The following TMEM74 variants were observed in gnomAD, a reference collection of about 807,000 sequenced individuals.
TMEM74 encodes transmembrane protein 74.
TMEM74 carries 13 observed loss-of-function variants against 18.1 expected under a neutral mutation model. That is an observed-to-expected ratio of 0.72 (90% CI 0.47 to 1.14). The LOEUF (loss-of-function observed/expected upper bound fraction) is 1.14, where lower values mean the gene tolerates loss of function less well. Among genes scored for constraint, TMEM74 ranks in the 50% most tolerant of loss-of-function variants. TMEM74 has a pLI of 0.00. For missense variants in TMEM74, 372 were observed against 375.9 expected (o/e 0.99, Z 0.09); for synonymous variants, 159 against 146.6 (o/e 1.08, Z -0.61).
chr8:108,660,723 A>G (rs1243889349), intron 1 of TMEM74, among the ~76,000 whole-genome samples: 2 of 152,074 alleles, frequency 1.3e-5, no homozygotes, highest in Non-Finnish European at 2.9e-5. Flanking sequence ...CCCCTTTTTC[A>G]TCTTTTTGTT....
rs950191538 is a variant in TMEM74 at position 108,781,683 on chromosome 8, T to TA, written c.*2497dup. ...AATAATGTTGAAGTGTGCATTTACT[T>TA]ACCACATTTCGATTTTAAATTTTAA... is the stretch of plus-strand genomic sequence containing the variant. On this transcript the variant is annotated 3_prime_UTR_variant, in exon 2 of 2. Coordinates refer to ENST00000297459, the MANE Select transcript of TMEM74 (RefSeq NM_153015.3). 7.4e-4 allele frequency among the ~76,000 whole-genome samples: 112 copies of TA among 152,336 alleles called. No homozygotes were observed. The highest frequency in any genetic ancestry group is 2.6e-3 in the African/African-American group (109 of 41,570).
intron 1 of TMEM74, among the ~76,000 whole-genome samples, chr8:108,679,796 G>A (rs989962242): frequency 1.3e-5 from 2 of 151,966 alleles, no homozygotes; most frequent in African/African-American, 2.4e-5. Flanking sequence ...CATTGCTTTT[G>A]GTGTTTTAGA....
chr8:108,784,780 A>G lies in TMEM74; in HGVS notation c.319T>C (p.Leu107=), dbSNP rs200683062. Residue 107 remains leucine, a synonymous_variant, in exon 2 of 2, where the codon TTA becomes CTA. Coordinates refer to ENST00000297459, the MANE Select transcript of TMEM74 (RefSeq NM_153015.3). ...TCCACATAGGTAAAAGAAGTTTCTA[A>G]TTCCTGGCTGCAGCAGTTACAGACT... The part of the protein sequence containing the change: ...RKVCNCCSQE[L]ETSFTYVDKN... 27 of 1,614,066 alleles carry G rather than the reference A, an allele frequency of 1.7e-5. No individual in the cohort carries two copies. The highest frequency in any genetic ancestry group is 2.1e-5 in the Non-Finnish European group (25 of 1,180,032).
intron 2 of TMEM74, among the ~76,000 whole-genome samples, chr8:108,613,835 A>G (rs1239032130): frequency 6.6e-6 from 1 of 152,180 alleles, no homozygotes; most frequent in Non-Finnish European, 1.5e-5. Context: ...TATAAACTAC[A>G]AGGTAGATTA....
In TMEM74 at chr8:108,783,554, T is replaced by A. The variant is rs1380747758; in HGVS notation, c.*627A>T. 2.0e-5 allele frequency: 3 copies of A among 152,240 alleles called. No homozygotes were observed. The highest frequency in any genetic ancestry group is 4.4e-5 in the Non-Finnish European group (3 of 68,040). 9.4% of individuals were successfully genotyped at this position (152,240 alleles called of 1,614,324 possible). A position where few individuals can be genotyped will look rare whatever the true frequency, so the allele number is the denominator to read the frequency against. On this transcript the variant is annotated 3_prime_UTR_variant, in exon 2 of 2. Transcript: ENST00000297459. ...TACAATGATTTACATAATTTTTTTT[T>A]ATTAGAAAGTTTATCCTAATGACTT...
chr8:108,610,573 T>C (rs1812324434), intron 2 of TMEM74, among the ~76,000 whole-genome samples: 1 of 151,952 alleles, frequency 6.6e-6, no homozygotes, highest in Non-Finnish European at 1.5e-5. Context: ...AAAGGCCTAG[T>C]TGAGAATGTG....
intron 2 of TMEM74, among the ~76,000 whole-genome samples, chr8:108,615,050 G>C (rs1274071346): frequency 6.6e-6 from 1 of 152,194 alleles, no homozygotes; most frequent in Non-Finnish European, 1.5e-5. Context: ...TCTTGAATGA[G>C]AGGGGAAATA....
chr8:108,620,086 A>G (rs187021141), intron 2 of TMEM74, among the ~76,000 whole-genome samples: 47 of 152,212 alleles, frequency 3.1e-4, no homozygotes, highest in Non-Finnish European at 5.1e-4. Flanking sequence ...TGCTATTATC[A>G]TTGGTACAGC....
chr8:108,695,926 C>T (rs189147141), intron 1 of TMEM74, among the ~76,000 whole-genome samples: 171 of 152,224 alleles, frequency 1.1e-3, no homozygotes, highest in Admixed American at 3.9e-3. Context: ...TTATTCTCTT[C>T]CTTCTGGTGC....
downstream of TMEM74, among the ~76,000 whole-genome samples, chr8:108,777,265 G>A (rs1814244218): frequency 6.6e-6 from 1 of 152,118 alleles, no homozygotes; most frequent in African/African-American, 2.4e-5. Context: ...GCACATGAAC[G>A]CAGAATGCCT....
intron 1 of TMEM74, among the ~76,000 whole-genome samples, chr8:108,706,870 G>T (rs1009979570): frequency 1.3e-5 from 2 of 151,242 alleles, no homozygotes; most frequent in African/African-American, 4.9e-5. Flanking sequence ...AAGACACTAA[G>T]ATAAAAGTAC....
rs560893755 is a variant in TMEM74, at chr8:108,706,817, G to C, written n.120-51380C>G. On this transcript the variant is annotated intron_variant and non_coding_transcript_variant, in intron 1 of 3. Coordinates refer to the TMEM74 transcript ENST00000518838. ...TGTGTGTGTGTGTGTGTGTATGCAA[G>C]CACATGCATGTAAAATAATATTTGA... is the stretch of plus-strand genomic sequence containing the variant. 1.5e-4 allele frequency among the ~76,000 whole-genome samples: 21 copies of C among 143,582 alleles called. No individual in the cohort carries two copies. The East Asian group carries it at 4.3e-3, about 29-fold the overall frequency. 94.2% of individuals were successfully genotyped at this position (143,582 alleles called of 152,430 possible).
chr8:108,630,244 T>C (rs915786731), intron 2 of TMEM74, among the ~76,000 whole-genome samples: 21 of 151,774 alleles, frequency 1.4e-4, no homozygotes, highest in African/African-American at 4.8e-4. Context: ...AAGAAGGGCA[T>C]TACATAAAAG....
chr8:108,780,548 C>T lies in TMEM74; in HGVS notation c.*3633G>A, dbSNP rs560709937. 3.1e-4 allele frequency among the ~76,000 whole-genome samples: 47 copies of T among 152,256 alleles called. No individual in the cohort carries two copies. In the East Asian group the frequency reaches 4.6e-3, roughly 15 times the overall value. ...GTAAAGGCACACATAAGTTTGGCAG[C>T]GCAGTCTCTTTTCAGAAATTGTACC... On this transcript the variant is annotated 3_prime_UTR_variant, in exon 2 of 2. Coordinates refer to ENST00000297459, the MANE Select transcript of TMEM74 (RefSeq NM_153015.3).
intron 1 of TMEM74, among the ~76,000 whole-genome samples, chr8:108,715,649 G>A (rs1450304736): frequency 1.3e-5 from 2 of 152,038 alleles, no homozygotes; most frequent in Admixed American, 1.3e-4. Flanking sequence ...ACATTAAAAA[G>A]CGAATGCACA....
rs1433959973 is a variant in TMEM74, at chr8:108,785,075, C to T, written c.24G>A (p.Lys8=). 3 of 1,608,626 alleles carry T rather than the reference C, an allele frequency of 1.9e-6. No individual in the cohort carries two copies. Among genetic ancestry groups the T allele is most frequent in the African/African-American group, 1.3e-5 (1 of 74,692 alleles). ...CACAGAGGTCTGCCTGGTTGCTCTTCTTAGCAAGGTAGTGGAGCTCCATGA... is the reference window on the plus strand; with the variant it reads ...CACAGAGGTCTGCCTGGTTGCTCTTTTTAGCAAGGTAGTGGAGCTCCATGA... The part of the protein sequence containing the change: MELHYLA[K]KSNQADLCDA... The change falls in exon 2 of 2, where the codon AAG becomes AAA. Residue 8 remains lysine (K), a synonymous_variant. Coordinates refer to ENST00000297459, the MANE Select transcript of TMEM74 (RefSeq NM_153015.3).
At chr8:108,785,561 G>A (rs1265365667) in intron 1 of TMEM74, among the ~76,000 whole-genome samples, 1 of 152,226 alleles carries the variant, frequency 6.6e-6, no homozygotes, top group East Asian at 1.9e-4. Context: ...ACTTGGGGAA[G>A]CATAGACTTG....
chr8:108,647,757 G>T (rs1043852514), intron 2 of TMEM74, among the ~76,000 whole-genome samples: 1 of 152,064 alleles, frequency 6.6e-6, no homozygotes, highest in Non-Finnish European at 1.5e-5. Context: ...CCCAAAAGAA[G>T]CTTATGGTCT....
At chr8:108,749,640 A>C (rs1432563016) in intron 1 of TMEM74, among the ~76,000 whole-genome samples, 1 of 152,018 alleles carries the variant, frequency 6.6e-6, no homozygotes, top group Admixed American at 6.5e-5. Flanking sequence ...GATGCCCTTT[A>C]TTTCTTTCTC....
Sources: gnomAD v4.1 joint callset for allele counts (sites outside exome capture counted in the v4.1 genomes callset) on GRCh38, gnomAD v4.1.1 for gene constraint, MANE v1.5 for transcripts, NCBI Gene and HGNC (gene_info 2026-07-23, HGNC 2026-07-21) for gene names.